The following ZNF626 variants were observed in gnomAD, a reference collection of about 807,000 sequenced individuals.
ZNF626 encodes zinc finger protein 626, also known as CTC-513N18.7.
In ZNF626, 4 loss-of-function variants were observed where a neutral mutation model predicts 11.7. That is an observed-to-expected ratio of 0.34 (90% confidence interval 0.17 to 0.78). The LOEUF (loss-of-function observed/expected upper bound fraction) is 0.78, where lower values mean the gene tolerates loss of function less well. ZNF626 is among the 30% of genes least tolerant of loss of function. The pLI, the probability that ZNF626 is intolerant of heterozygous loss-of-function variation, is 0.57. For missense variants in ZNF626, 588 were observed against 587.1 expected (o/e 1.00, Z -0.01); for synonymous variants, 179 against 198.6 (o/e 0.90, Z 0.83).
chr19:20,627,024 C>CTAAA (rs1482477772), intron 3 of ZNF626, among the ~76,000 whole-genome samples: 6 of 147,370 alleles, frequency 4.1e-5, no homozygotes, highest in Admixed American at 6.7e-5. Context: ...CTCAGAAAAA[C>CTAAA]TAACTAAATA....
At chr19:20,641,104 C>G (rs575080041) in intron 3 of ZNF626, among the ~76,000 whole-genome samples, 2 of 145,466 alleles carry the variant, frequency 1.4e-5, no homozygotes, top group African/African-American at 5.1e-5. Context: ...CCACTGCACT[C>G]TAGCGTGGGT....
chr19:20,655,998 C>T (rs185042378), intron 1 of ZNF626, among the ~76,000 whole-genome samples: 3 of 151,476 alleles, frequency 2.0e-5, no homozygotes, highest in East Asian at 1.9e-4. Flanking sequence ...AGAGTTTGAA[C>T]TCTTGGACAT....
intron 1 of ZNF626, among the ~76,000 whole-genome samples, chr19:20,659,904 C>G (rs1261770768): frequency 6.6e-6 from 1 of 152,024 alleles, no homozygotes; most frequent in African/African-American, 2.4e-5. Context: ...AGGCTCCTTC[C>G]GTGGCTGGGG....
intron 1 of ZNF626, among the ~76,000 whole-genome samples, chr19:20,654,640 C>T (rs1038907402): frequency 2.2e-4 from 34 of 151,568 alleles, no homozygotes; most frequent in African/African-American, 7.5e-4. Context: ...ACCCGGGAGG[C>T]GGAGCTTGCA....
chr19:20,623,826 T>C lies in ZNF626; in HGVS notation c.*464A>G. ...AAAAAAAAAAAAAAAAAGACAGAAC[T>C]TGTTATATGCTTTGCCACATTCTTC... is the stretch of plus-strand genomic sequence containing the variant. On this transcript the variant is annotated 3_prime_UTR_variant, in exon 4 of 4. Transcript: ENST00000601440. 3.8e-6 allele frequency: 1 copy of C among 263,112 alleles called. No homozygotes were observed. Among genetic ancestry groups the C allele is most frequent in the South Asian group, 4.2e-5 (1 of 23,782 alleles). 16.3% of individuals were successfully genotyped at this position (263,112 alleles called of 1,614,324 possible). A position where few individuals can be genotyped will look rare whatever the true frequency, so the allele number is the denominator to read the frequency against.
chr19:20,652,907 C>G (rs2144791543), intron 1 of ZNF626, among the ~76,000 whole-genome samples: 1 of 152,160 alleles, frequency 6.6e-6, no homozygotes, highest in East Asian at 1.9e-4. Flanking sequence ...ACACGTTACT[C>G]TACTTGGGTT....
Position 20,621,561 on chromosome 19 carries a change from G to A in ZNF626, c.*2729C>T, listed in dbSNP as rs1436955313. 1 of 152,138 alleles carries A rather than the reference G, an allele frequency of 6.6e-6. No homozygotes were observed. Among genetic ancestry groups the A allele is most frequent in the Non-Finnish European group, 1.5e-5 (1 of 68,028 alleles). The allele number at this position is 152,138 out of a possible 1,614,324, so 9.4% of individuals were successfully genotyped here. A position where few individuals can be genotyped will look rare whatever the true frequency, so the allele number is the denominator to read the frequency against. Reference sequence around the variant, plus strand: ...TGGATTAGAAAGGATAAATGCTAGAGGTGACAGATACCTTATTTACCCTAA... The same window carrying A: ...TGGATTAGAAAGGATAAATGCTAGAAGTGACAGATACCTTATTTACCCTAA... On this transcript the variant is annotated 3_prime_UTR_variant, in exon 4 of 4. Coordinates refer to ENST00000601440, the MANE Select transcript of ZNF626 (RefSeq NM_001076675.3).
intron 1 of ZNF626, among the ~76,000 whole-genome samples, chr19:20,648,627 T>C (rs1970111864): frequency 6.6e-6 from 1 of 152,124 alleles, no homozygotes; most frequent in South Asian, 2.1e-4. Flanking sequence ...TGCCTCAGCC[T>C]CCCAAAGTGC....
chr19:20,647,677 A>G (rs560534359), intron 1 of ZNF626, among the ~76,000 whole-genome samples: 67 of 151,794 alleles, frequency 4.4e-4, no homozygotes, highest in South Asian at 3.8e-3. Context: ...TAGTAGAGAC[A>G]GGGTTTCACC....
chr19:20,659,441 A>C (rs782312560), intron 1 of ZNF626, among the ~76,000 whole-genome samples: 1 of 152,106 alleles, frequency 6.6e-6, no homozygotes, highest in Non-Finnish European at 1.5e-5. Context: ...GGTTATCACC[A>C]TGTTGACCAG....
At chr19:20,626,591 G>A (rs1969836337) in intron 3 of ZNF626, among the ~76,000 whole-genome samples, 1 of 151,668 alleles carries the variant, frequency 6.6e-6, no homozygotes, top group Non-Finnish European at 1.5e-5. Flanking sequence ...GGTGGCATGT[G>A]CCTGTAATCC....
intron 3 of ZNF626, among the ~76,000 whole-genome samples, chr19:20,631,401 T>C (rs1157250273): frequency 1.3e-5 from 2 of 152,158 alleles, no homozygotes; most frequent in Admixed American, 6.5e-5. Flanking sequence ...AAGTCTCCCA[T>C]TATTATTGTG....
intron 3 of ZNF626, among the ~76,000 whole-genome samples, chr19:20,628,089 T>C (rs1969861312): frequency 6.6e-6 from 1 of 152,140 alleles, no homozygotes; most frequent in South Asian, 2.1e-4. Context: ...TTCATCCATG[T>C]CCCTACAAAG....
At chr19:20,654,673 C>T (rs1970186004) in intron 1 of ZNF626, among the ~76,000 whole-genome samples, 1 of 151,824 alleles carries the variant, frequency 6.6e-6, no homozygotes, top group South Asian at 2.1e-4. Flanking sequence ...GGTGACACTC[C>T]AGCCCGGACG....
chr19:20,649,473 C>T (rs1970121999), intron 1 of ZNF626, among the ~76,000 whole-genome samples: 1 of 152,102 alleles, frequency 6.6e-6, no homozygotes, highest in African/African-American at 2.4e-5. Context: ...CTGTGACCAC[C>T]CTTTAGGGCA....
chr19:20,644,643 A>G (rs979294207), intron 3 of ZNF626: 3 of 152,410 alleles, frequency 2.0e-5, no homozygotes, highest in Non-Finnish European at 4.4e-5. Context: ...ATTTTAATGT[A>G]GCACTGGAAG....
chr19:20,633,592 G>T (rs1410603990), intron 3 of ZNF626, among the ~76,000 whole-genome samples: 3 of 152,218 alleles, frequency 2.0e-5, no homozygotes, highest in East Asian at 1.9e-4. Flanking sequence ...CTCTGAGCTG[G>T]GTGAGGGATA....
chr19:20,637,798 ATAACG>A (rs1387038374), intron 3 of ZNF626, among the ~76,000 whole-genome samples: 4 of 152,116 alleles, frequency 2.6e-5, no homozygotes, highest in Non-Finnish European at 5.9e-5. Context: ...CAAAACAATA[ATAACG>A]TAACTGGAAA....
rs71893877 is a variant in ZNF626, at chr19:20,623,841, CCA to C, written c.*447_*448del. ...AAGACAGAACTTGTTATATGCTTTG[CCA>C]CATTCTTCACACTTGTAGGGTTTCT... On this transcript the variant is annotated 3_prime_UTR_variant, in exon 4 of 4. Transcript: ENST00000601440. The C allele has an allele frequency of 0.091, 27,216 of 300,544 alleles. 1,544 individuals carry two copies. Among genetic ancestry groups the C allele is most frequent in the Admixed American group, 0.11 (2,517 of 22,484 alleles). 18.6% of individuals were successfully genotyped at this position (300,544 alleles called of 1,614,324 possible). A position where few individuals can be genotyped will look rare whatever the true frequency, so the allele number is the denominator to read the frequency against.
Sources: allele counts gnomAD v4.1 joint callset (sites outside exome capture counted in the v4.1 genomes callset), GRCh38; gene constraint gnomAD v4.1.1; transcripts MANE v1.5; gene names NCBI Gene and HGNC (gene_info 2026-07-23, HGNC 2026-07-21).